Variants in RIPOR3 observed in about 807,000 individuals in gnomAD.
RIPOR3 encodes family with sequence similarity 65 member C.
Under a neutral mutation model 114.3 loss-of-function variants are expected in RIPOR3, and 95 were observed. That is an observed-to-expected ratio of 0.83 (90% CI 0.70 to 0.99). The LOEUF is 0.99. Among genes scored for constraint, RIPOR3 ranks in the 50% least tolerant of loss-of-function variants. The pLI, the probability that RIPOR3 is intolerant of heterozygous loss-of-function variation, is 0.00. For missense variants in RIPOR3, 1,252 were observed against 1,266.9 expected (o/e 0.99, Z 0.18); for synonymous variants, 575 against 543.8 (o/e 1.06, Z -0.80).
At chr20:50,631,577 C>A (rs551026246) in intron 1 of RIPOR3, among the ~76,000 whole-genome samples, 2 of 152,160 alleles carry the variant, frequency 1.3e-5, no homozygotes, top group Non-Finnish European at 1.5e-5. Context: ...AGGGGCTTGG[C>A]CTTACAATGG....
At chr20:50,684,055 T>C (rs2086939934) in intron 1 of RIPOR3, among the ~76,000 whole-genome samples, 1 of 151,846 alleles carries the variant, frequency 6.6e-6, no homozygotes, top group South Asian at 2.1e-4. Context: ...TACTCCATCC[T>C]GGGCGACAGT....
intron 1 of RIPOR3, among the ~76,000 whole-genome samples, chr20:50,663,228 CCT>C (rs528825587): frequency 2.0e-5 from 3 of 152,264 alleles, no homozygotes; most frequent in Non-Finnish European, 4.4e-5. Context: ...CTCCAGTGCA[CCT>C]CTGTCCTTCA....
At chr20:50,607,357 C>T (rs191486427) in intron 11 of RIPOR3, among the ~76,000 whole-genome samples, 1 of 136,500 alleles carries the variant, frequency 7.3e-6, no homozygotes, top group East Asian at 1.9e-4. Context: ...CAGCCTGGCC[C>T]GTGATGCTCA....
intron 1 of RIPOR3, among the ~76,000 whole-genome samples, chr20:50,665,511 C>T (rs933417166): frequency 7.4e-5 from 11 of 149,244 alleles, no homozygotes; most frequent in Non-Finnish European, 8.9e-5. Context: ...ACCTCCGCCT[C>T]CCGGGTTCAA....
intron 1 of RIPOR3, among the ~76,000 whole-genome samples, chr20:50,679,723 C>A (rs1258006667): frequency 6.0e-5 from 9 of 149,678 alleles, no homozygotes; most frequent in Non-Finnish European, 1.0e-4. Context: ...GAGCCGAGAT[C>A]GCGCCACTGC....
chr20:50,610,964 G>A (rs373322742), intron 5 of RIPOR3, 58 bp from the exon 6 acceptor site: 122 of 1,608,232 alleles, frequency 7.6e-5, no homozygotes, highest in African/African-American at 1.1e-4. Flanking sequence ...CACCTGCCCC[G>A]CTTGCCCCTG....
intron 1 of RIPOR3, among the ~76,000 whole-genome samples, chr20:50,669,882 C>T (rs531456763): frequency 4.6e-5 from 7 of 150,724 alleles, no homozygotes; most frequent in Admixed American, 6.6e-5. Flanking sequence ...AAAGGCTGGG[C>T]GCAGTGGCTC....
At position 50,687,461 on chromosome 20, in the gene RIPOR3, C is replaced by T. The variant is rs1273682252; in HGVS notation, c.3+3665G>A. 2.0e-5 allele frequency among the ~76,000 whole-genome samples: 3 copies of T among 152,238 alleles called. No homozygotes were observed. The East Asian group carries it at 5.8e-4, about 29-fold the overall frequency. ...CGATTTTTGACAATCCAGACACAAC[C>T]ATAGATGCTGTGGAACCAGTGGTAT... On this transcript the variant is annotated intron_variant, in intron 1 of 21. Coordinates refer to ENST00000327979, the MANE Select transcript of RIPOR3 (RefSeq NM_001290268.2).
chr20:50,626,937 C>T (rs1354436696), intron 2 of RIPOR3, among the ~76,000 whole-genome samples: 2 of 151,310 alleles, frequency 1.3e-5, no homozygotes, highest in Non-Finnish European at 2.9e-5. Context: ...TCACTTGAAC[C>T]CGGCAAGTGG....
At chr20:50,638,684 G>A (rs1458600351) in intron 1 of RIPOR3, among the ~76,000 whole-genome samples, 1 of 151,952 alleles carries the variant, frequency 6.6e-6, no homozygotes, top group Non-Finnish European at 1.5e-5. Context: ...GGGGTGTGGG[G>A]GATGAAGGAA....
intron 1 of RIPOR3, among the ~76,000 whole-genome samples, chr20:50,658,573 G>A (rs2085892026): frequency 6.6e-6 from 1 of 152,074 alleles, no homozygotes; most frequent in Non-Finnish European, 1.5e-5. Flanking sequence ...AATTAGCCAG[G>A]TGTGGTGGTA....
At chr20:50,656,415 C>A (rs1193680537) in intron 1 of RIPOR3, among the ~76,000 whole-genome samples, 1 of 152,066 alleles carries the variant, frequency 6.6e-6, no homozygotes, top group African/African-American at 2.4e-5. Context: ...ATATATAGAG[C>A]TTAGTGAAGG....
At position 50,586,673 on chromosome 20, in the gene RIPOR3, T is replaced by G. The variant is rs1180438502; in HGVS notation, c.*559A>C. 1 of 154,606 alleles carries G rather than the reference T, an allele frequency of 6.5e-6. No homozygotes were observed. Among genetic ancestry groups the G allele is most frequent in the Non-Finnish European group, 1.4e-5 (1 of 69,548 alleles). 9.6% of individuals were successfully genotyped at this position (154,606 alleles called of 1,614,324 possible). ...AAGTCAGTCGGGCTGAGAGTGTGGT[T>G]GTAGAAACCCTGGCTTTGTGCCTTC... On this transcript the variant is annotated 3_prime_UTR_variant, in exon 22 of 22. Coordinates refer to ENST00000327979, the MANE Select transcript of RIPOR3 (RefSeq NM_001290268.2).
In RIPOR3 at chr20:50,602,045, C is replaced by T. The variant is rs975349726; in HGVS notation, c.1659+27G>A. On this transcript the variant is annotated intron_variant, in intron 13 of 21. Transcript: ENST00000327979. The surrounding 1 kb of genome is among the most constrained non-coding windows in gnomAD (Gnocchi z 4.3). ...TCATCATGCCATCAGCAAAGCAGGG[C>T]CACCGCCCGGGGCGGGGTGGCCATA... is the stretch of plus-strand genomic sequence containing the variant. The T allele has an allele frequency of 6.9e-7, 1 of 1,459,242 alleles. No individual in the cohort carries two copies. Among genetic ancestry groups the T allele is most frequent in the Non-Finnish European group, 9.0e-7 (1 of 1,107,338 alleles). 90.4% of individuals were successfully genotyped at this position (1,459,242 alleles called of 1,614,324 possible).
At chr20:50,686,183 A>G (rs1019911327) in intron 1 of RIPOR3, among the ~76,000 whole-genome samples, 12 of 151,626 alleles carry the variant, frequency 7.9e-5, no homozygotes, top group African/African-American at 2.9e-4. Flanking sequence ...CAGCCTCCCG[A>G]GTGGCTGGGA....
chr20:50,629,396 G>A (rs917805951), intron 2 of RIPOR3, among the ~76,000 whole-genome samples: 56 of 152,308 alleles, frequency 3.7e-4, no homozygotes, highest in Admixed American at 1.4e-3. Context: ...CTGCCTGCTC[G>A]TAAATGGTTC....
intron 8 of RIPOR3, 128 bp downstream of exon 8, chr20:50,609,165 A>G: frequency 7.6e-7 from 1 of 1,313,866 alleles, no homozygotes; most frequent in Non-Finnish European, 1.1e-6. Context: ...CAGAAGTCAC[A>G]TGTCACATGG....
At position 50,609,629 on chromosome 20, in the gene RIPOR3, G is replaced by A. The variant is rs748510387; in HGVS notation, c.520C>T (p.Arg174Cys). The A allele has an allele frequency of 2.5e-5, 35 of 1,401,706 alleles. No homozygotes were observed. The highest frequency in any genetic ancestry group is 1.9e-4 in the Middle Eastern group (1 of 5,210). 86.8% of individuals were successfully genotyped at this position (1,401,706 alleles called of 1,614,324 possible). ...TCCTGCAGGCTCTCTCGGGCTGCGC[G>A]GCTCGGGGGGCACCGGGCGAAGGCC... ...QRAFARCPPSRAARESLQELG... is the reference protein window; with the variant it reads ...QRAFARCPPSCAARESLQELG... Residue 174 changes from arginine (R) to cysteine (C), a missense_variant, in exon 7 of 22, where the codon CGC becomes TGC. Coordinates refer to ENST00000327979, the MANE Select transcript of RIPOR3 (RefSeq NM_001290268.2).
At chr20:50,685,838 C>T (rs996357896) in intron 1 of RIPOR3, among the ~76,000 whole-genome samples, 47 of 131,262 alleles carry the variant, frequency 3.6e-4, no homozygotes, top group Non-Finnish European at 6.4e-4. Context: ...AAAAAAAAAC[C>T]CTCCTCTTCT....
Sources: gnomAD v4.1 joint callset for allele counts (sites outside exome capture counted in the v4.1 genomes callset) on GRCh38, gnomAD v4.1.1 for gene constraint, Gnocchi (gnomAD v3.1) non-coding constraint, MANE v1.5 for transcripts, NCBI Gene and HGNC (gene_info 2026-07-23, HGNC 2026-07-21) for gene names.